GRIN2A: variants seen among roughly 807,000 people sequenced by gnomAD.
GRIN2A encodes the protein glutamate receptor ionotropic, NMDA 2A.
Under a neutral mutation model 113.4 loss-of-function variants are expected in GRIN2A, and 22 were observed. The ratio of observed to expected loss-of-function variants is 0.19; its 90% CI spans 0.14 to 0.28. GRIN2A has a LOEUF of 0.28. Ranked by LOEUF, GRIN2A falls within the 10% of genes least tolerant of loss-of-function variation. The pLI is 1.00. For missense variants in GRIN2A, 1,502 were observed against 1,887.0 expected, an observed-to-expected ratio of 0.80 and a Z score of 3.78; for synonymous variants, 827 against 738.4, an observed-to-expected ratio of 1.12 and a Z score of -1.94.
chr16:9,795,789 A>G (rs8054610), intron 11 of GRIN2A, among the ~76,000 whole-genome samples: 6,104 of 152,338 alleles, frequency 0.04, 407 homozygotes, highest in African/African-American at 0.14. Flanking sequence ...CTTTCATAGA[A>G]GTATTTGTAA....
At chr16:9,858,655 A>G (rs1324253289) in intron 4 of GRIN2A, among the ~76,000 whole-genome samples, 2 of 152,212 alleles carry the variant, frequency 1.3e-5, no homozygotes, top group Non-Finnish European at 2.9e-5. Context: ...AAATTTAAAT[A>G]CAGTGCTTTT....
At chr16:10,099,716 A>C (rs918342099) in intron 2 of GRIN2A, among the ~76,000 whole-genome samples, 1 of 152,222 alleles carries the variant, frequency 6.6e-6, no homozygotes, top group Non-Finnish European at 1.5e-5. Flanking sequence ...GCTAGATTCA[A>C]ATGCTACTTC....
chr16:10,072,262 T>G (rs991580455), intron 2 of GRIN2A, among the ~76,000 whole-genome samples: 1 of 152,212 alleles, frequency 6.6e-6, no homozygotes, highest in African/African-American at 2.4e-5. Flanking sequence ...TCCCTTGCAA[T>G]TCTGTACCTT....
At chr16:10,166,453 G>A (rs1461598218) in intron 2 of GRIN2A, among the ~76,000 whole-genome samples, 1 of 152,068 alleles carries the variant, frequency 6.6e-6, no homozygotes, top group African/African-American at 2.4e-5. Context: ...TTCAGCTGTG[G>A]GGGATGACAA....
intron 3 of GRIN2A, among the ~76,000 whole-genome samples, chr16:9,905,171 T>C (rs1383868978): frequency 6.6e-6 from 1 of 152,220 alleles, no homozygotes; most frequent in Non-Finnish European, 1.5e-5. Flanking sequence ...AATTGTGTGG[T>C]CCTTTCTCTG....
intron 2 of GRIN2A, among the ~76,000 whole-genome samples, chr16:9,963,790 G>A (rs1650126289): frequency 1.3e-5 from 2 of 152,134 alleles, no homozygotes; most frequent in African/African-American, 4.8e-5. Context: ...TTACTATATA[G>A]CTACTCTGTG....
chr16:9,826,481 G>A (rs1042243106), intron 9 of GRIN2A, among the ~76,000 whole-genome samples: 3 of 152,154 alleles, frequency 2.0e-5, no homozygotes, highest in Admixed American at 1.3e-4. Context: ...TGGCTTAAAA[G>A]CATTGTAAAC....
chr16:9,891,167 A>T, intron 3 of GRIN2A, 67 bp from the exon 4 acceptor site: 1 of 882,588 alleles, frequency 1.1e-6, no homozygotes, highest in South Asian at 1.3e-5. Flanking sequence ...AAATAAGTGG[A>T]TGCCACCATT....
chr16:9,758,348 T>C lies in GRIN2A; in HGVS notation c.*4801A>G, dbSNP rs993919786. The C allele has an allele frequency of 1.8e-5, 4 of 223,976 alleles. No individual in the cohort carries two copies. Among genetic ancestry groups the C allele is most frequent in the Non-Finnish European group, 2.7e-5 (3 of 112,218 alleles). 13.9% of individuals were successfully genotyped at this position (223,976 alleles called of 1,614,324 possible). ...AGAAGCAAATGCGAGCAGAATATAT[T>C]CTATACCCCTCATCCCAGAGTTTTG... is the stretch of plus-strand genomic sequence containing the variant. On this transcript the variant is annotated 3_prime_UTR_variant, in exon 13 of 13. Transcript: ENST00000330684.
At chr16:9,952,265 C>T (rs1267884196) in intron 2 of GRIN2A, among the ~76,000 whole-genome samples, 1 of 152,124 alleles carries the variant, frequency 6.6e-6, no homozygotes, top group African/African-American at 2.4e-5. Context: ...CCACCCAACC[C>T]AGCAAGAGAG....
At chr16:10,145,816 A>T (rs897271178) in intron 2 of GRIN2A, among the ~76,000 whole-genome samples, 1 of 152,218 alleles carries the variant, frequency 6.6e-6, no homozygotes, top group African/African-American at 2.4e-5. Context: ...GATGGGTGCA[A>T]TTCTGTTCTA....
intron 11 of GRIN2A, among the ~76,000 whole-genome samples, chr16:9,773,935 A>G (rs1901442208): frequency 6.6e-6 from 1 of 152,090 alleles, no homozygotes; most frequent in Non-Finnish European, 1.5e-5. Context: ...AGAGAGATGC[A>G]GAATCTAAAA....
At chr16:10,061,662 A>T (rs1320619504) in intron 2 of GRIN2A, among the ~76,000 whole-genome samples, 1 of 152,214 alleles carries the variant, frequency 6.6e-6, no homozygotes, top group African/African-American at 2.4e-5. Flanking sequence ...ATAAACTCTA[A>T]GTGCCTCTTT....
chr16:10,133,251 G>A (rs1448265), intron 2 of GRIN2A, among the ~76,000 whole-genome samples: 4 of 152,192 alleles, frequency 2.6e-5, no homozygotes, highest in Non-Finnish European at 5.9e-5. Flanking sequence ...ATCTTGCTCC[G>A]AAAGATTCAC....
intron 2 of GRIN2A, among the ~76,000 whole-genome samples, chr16:10,006,193 C>T (rs1286251306): frequency 6.6e-6 from 1 of 152,228 alleles, no homozygotes; most frequent in African/African-American, 2.4e-5. Flanking sequence ...CAACTGTGCT[C>T]TCCTGGCCCT....
intron 11 of GRIN2A, among the ~76,000 whole-genome samples, chr16:9,794,260 A>C (rs1902820541): frequency 6.6e-6 from 1 of 152,210 alleles, no homozygotes; most frequent in South Asian, 2.1e-4. Context: ...CTCAATAACC[A>C]AACACTCCAT....
At chr16:9,774,434 A>G (rs1440764717) in intron 11 of GRIN2A, among the ~76,000 whole-genome samples, 1 of 152,232 alleles carries the variant, frequency 6.6e-6, no homozygotes, top group African/African-American at 2.4e-5. Flanking sequence ...GACGGCCTGC[A>G]TTAGACTCTT....
chr16:9,998,873 A>C (rs2046272657), intron 2 of GRIN2A, among the ~76,000 whole-genome samples: 1 of 152,090 alleles, frequency 6.6e-6, no homozygotes. Flanking sequence ...TTTCAATTAC[A>C]TGCATTGCTT....
intron 2 of GRIN2A, among the ~76,000 whole-genome samples, chr16:10,087,625 C>A (rs532674813): frequency 2.6e-5 from 4 of 152,312 alleles, no homozygotes; most frequent in Non-Finnish European, 4.4e-5. Flanking sequence ...CTGACTGATA[C>A]AACAGTTAAA....
Sources: allele counts gnomAD v4.1 joint callset (sites outside exome capture counted in the v4.1 genomes callset), GRCh38; gene constraint gnomAD v4.1.1; transcripts MANE v1.5; gene names NCBI Gene and HGNC (gene_info 2026-07-23, HGNC 2026-07-21).